CDH18: variants seen among roughly 807,000 people sequenced by gnomAD.
CDH18 encodes cadherin 18.
In CDH18, 31 loss-of-function variants were observed where a neutral mutation model predicts 67.9. That is an observed-to-expected ratio of 0.46 (90% CI 0.34 to 0.62). CDH18 has a LOEUF of 0.62. CDH18 is among the 20% of genes least tolerant of loss of function. CDH18 has a pLI of 0.01. For missense variants in CDH18, 890 were observed against 975.5 expected, an observed-to-expected ratio of 0.91 and a Z score of 1.17; for synonymous variants, 362 against 347.2, an observed-to-expected ratio of 1.04 and a Z score of -0.48.
At chr5:19,930,587 G>T (rs1561579168) in intron 2 of CDH18, among the ~76,000 whole-genome samples, 1 of 151,906 alleles carries the variant, frequency 6.6e-6, no homozygotes, top group South Asian at 2.1e-4. Context: ...CATGGGAGAG[G>T]CTCCGCAAAG....
At chr5:20,538,902 T>TTTTTG (rs1756882562) in intron 1 of CDH18, among the ~76,000 whole-genome samples, 1 of 130,622 alleles carries the variant, frequency 7.7e-6, no homozygotes, top group Admixed American at 8.0e-5. Flanking sequence ...CCAACTGTTT[T>TTTTTG]TTTTTTGTTT....
chr5:19,677,352 A>G (rs1759643896), intron 5 of CDH18, among the ~76,000 whole-genome samples: 1 of 152,114 alleles, frequency 6.6e-6, no homozygotes, highest in African/African-American at 2.4e-5. Context: ...CAAAGAAGCA[A>G]ATGCTAACGG....
At chr5:20,283,386 G>T (rs186069005) in intron 1 of CDH18, among the ~76,000 whole-genome samples, 51 of 152,100 alleles carry the variant, frequency 3.4e-4, no homozygotes, top group African/African-American at 1.2e-3. Context: ...TATAAGGAGT[G>T]TGAACAAATC....
intron 2 of CDH18, among the ~76,000 whole-genome samples, chr5:20,107,819 G>A (rs1007844029): frequency 5.9e-5 from 9 of 151,434 alleles, no homozygotes; most frequent in African/African-American, 2.2e-4. Context: ...CAATGTGCAG[G>A]TTTGTTACAT....
chr5:20,181,206 G>A (rs540435986), intron 2 of CDH18, among the ~76,000 whole-genome samples: 4 of 152,098 alleles, frequency 2.6e-5, no homozygotes, highest in African/African-American at 9.7e-5. Context: ...CATTTCAGTT[G>A]CTCCTCCCAT....
rs544704596 is a variant in CDH18 at position 19,977,565 on chromosome 5, C to G, written c.-257+3495G>C. ...TGCAGGCAGGCAAATCATACAACTGCTTTTAGAATCCTATGCTAAAGAGGG... is the reference window on the plus strand; with the variant it reads ...TGCAGGCAGGCAAATCATACAACTGGTTTTAGAATCCTATGCTAAAGAGGG... On this transcript the variant is annotated intron_variant, in intron 2 of 12. Transcript: ENST00000382275. 3.5e-4 allele frequency among the ~76,000 whole-genome samples: 54 copies of G among 152,206 alleles called. 1 individual carries two copies. The South Asian group carries it at 0.01, about 29-fold the overall frequency.
intron 3 of CDH18, among the ~76,000 whole-genome samples, chr5:19,813,208 G>T (rs1305808769): frequency 1.3e-5 from 2 of 152,026 alleles, no homozygotes; most frequent in Non-Finnish European, 2.9e-5. Flanking sequence ...GTTGATGGGT[G>T]CAGCAAACCA....
At chr5:19,917,994 T>TCC (rs1318817999) in intron 2 of CDH18, among the ~76,000 whole-genome samples, 2 of 152,154 alleles carry the variant, frequency 1.3e-5, no homozygotes, top group African/African-American at 2.4e-5. Flanking sequence ...TAAGGTAACC[T>TCC]CTGTCTTCAG....
At chr5:20,436,481 A>G (rs1749172318) in intron 1 of CDH18, among the ~76,000 whole-genome samples, 1 of 151,950 alleles carries the variant, frequency 6.6e-6, no homozygotes, top group Non-Finnish European at 1.5e-5. Flanking sequence ...GTTATTATCA[A>G]TAAATATAAT....
intron 2 of CDH18, among the ~76,000 whole-genome samples, chr5:20,042,190 A>G (rs1042159062): frequency 1.3e-5 from 2 of 152,202 alleles, no homozygotes; most frequent in Non-Finnish European, 2.9e-5. Context: ...CCTCTTAATA[A>G]GGATAAAGAA....
At chr5:20,425,103 C>G (rs1748188339) in intron 1 of CDH18, among the ~76,000 whole-genome samples, 1 of 150,934 alleles carries the variant, frequency 6.6e-6, no homozygotes, top group Non-Finnish European at 1.5e-5. Context: ...CACGGTGACT[C>G]ACGCCTATAA....
At chr5:19,570,076 GA>G (rs1311017707) in intron 8 of CDH18, among the ~76,000 whole-genome samples, 7 of 151,966 alleles carry the variant, frequency 4.6e-5, no homozygotes, top group African/African-American at 1.7e-4. Flanking sequence ...TTTTGGTAAA[GA>G]AAGCCTCATT....
chr5:19,817,438 A>C (rs1430467981), intron 3 of CDH18, among the ~76,000 whole-genome samples: 1 of 152,034 alleles, frequency 6.6e-6, no homozygotes, highest in Admixed American at 6.6e-5. Flanking sequence ...ACATTATTAC[A>C]TGTAATAGCA....
intron 4 of CDH18, among the ~76,000 whole-genome samples, chr5:19,727,559 T>C (rs561760884): frequency 3.3e-5 from 5 of 152,188 alleles, no homozygotes; most frequent in Non-Finnish European, 7.3e-5. Context: ...GACTGTAAGA[T>C]AATACATTTC....
intron 6 of CDH18, among the ~76,000 whole-genome samples, chr5:19,598,776 C>T (rs1746587310): frequency 6.6e-6 from 1 of 152,082 alleles, no homozygotes; most frequent in Non-Finnish European, 1.5e-5. Context: ...CAAAGGACAT[C>T]CCACAATGAA....
chr5:19,799,112 C>CAAT, intron 3 of CDH18, among the ~76,000 whole-genome samples: 1 of 152,012 alleles, frequency 6.6e-6, no homozygotes, highest in East Asian at 1.9e-4. Flanking sequence ...TATGGATGAA[C>CAAT]GTAGAAGACA....
At chr5:19,782,602 T>C (rs1320918581) in intron 3 of CDH18, among the ~76,000 whole-genome samples, 4 of 152,114 alleles carry the variant, frequency 2.6e-5, no homozygotes, top group Non-Finnish European at 5.9e-5. Context: ...GGCAGCACGA[T>C]GGTGATTAGG....
At chr5:20,311,214 C>T (rs891885075) in intron 1 of CDH18, among the ~76,000 whole-genome samples, 1 of 152,068 alleles carries the variant, frequency 6.6e-6, no homozygotes, top group African/African-American at 2.4e-5. Flanking sequence ...TAAATTAGTT[C>T]AACCATTGTG....
chr5:20,037,714 G>C (rs927206349), intron 2 of CDH18, among the ~76,000 whole-genome samples: 3 of 152,064 alleles, frequency 2.0e-5, no homozygotes, highest in Admixed American at 1.3e-4. Flanking sequence ...GTGTTTAGAT[G>C]GAAATTTATA....
Sources: allele counts gnomAD v4.1 joint callset (sites outside exome capture counted in the v4.1 genomes callset), GRCh38; gene constraint gnomAD v4.1.1; transcripts MANE v1.5; gene names NCBI Gene and HGNC (gene_info 2026-07-23, HGNC 2026-07-21).